The following FAM78A variants were observed in gnomAD, a reference collection of about 807,000 sequenced individuals.
FAM78A encodes the protein protein FAM78A.
In FAM78A, 12 loss-of-function variants were observed where a neutral mutation model predicts 22.6. That is an observed-to-expected ratio of 0.53 (90% CI 0.34 to 0.86). FAM78A has a LOEUF of 0.86. Ranked by LOEUF, FAM78A falls within the 40% of genes least tolerant of loss-of-function variation. The pLI is 0.02. For missense variants in FAM78A, 322 were observed against 396.1 expected (o/e 0.81, Z 1.59); for synonymous variants, 151 against 155.8 (o/e 0.97, Z 0.23).
chr9:131,274,325 T>C lies in FAM78A; in HGVS notation c.323+1532A>G, dbSNP rs1042633871. ...AGCCCAAAACCCCGAGGAAAACTTT[T>C]GTTTCTACAACTGTCCCGATGCCTT... On this transcript the variant is annotated intron_variant, in intron 1 of 1. Coordinates refer to ENST00000372271, the MANE Select transcript of FAM78A (RefSeq NM_033387.4). This position sits in a 1 kb window ranked among gnomAD's most constrained non-coding sequence, Gnocchi z 4.2. Among the ~76,000 whole-genome samples the C allele has an allele frequency of 6.6e-6, 1 of 152,174 alleles. No homozygotes were observed. Among genetic ancestry groups the C allele is most frequent in the Non-Finnish European group, 1.5e-5 (1 of 68,046 alleles).
rs1004160561 is a variant in FAM78A, at chr9:131,276,398, G to A, written c.-219C>T. ...GGACAAAAATCACCGATATTCTTTGGGTTAAAAAAAGTTTGTAGTTTAATG... is the reference window on the plus strand; with the variant it reads ...GGACAAAAATCACCGATATTCTTTGAGTTAAAAAAAGTTTGTAGTTTAATG... On this transcript the variant is annotated 5_prime_UTR_variant, in exon 1 of 2. Coordinates refer to ENST00000372271, the MANE Select transcript of FAM78A (RefSeq NM_033387.4). This position sits in a 1 kb window ranked among gnomAD's most constrained non-coding sequence, Gnocchi z 4.3. The A allele has an allele frequency of 3.1e-5, 15 of 487,152 alleles. No individual in the cohort carries two copies. Among genetic ancestry groups the A allele is most frequent in the Non-Finnish European group, 5.1e-5 (14 of 276,662 alleles). The allele number at this position is 487,152 out of a possible 1,614,324, so 30.2% of individuals were successfully genotyped here. A position where few individuals can be genotyped will look rare whatever the true frequency, so the allele number is the denominator to read the frequency against.
chr9:131,273,116 A>G (rs1016189268), intron 1 of FAM78A, among the ~76,000 whole-genome samples: 1 of 152,126 alleles, frequency 6.6e-6, no homozygotes, highest in African/African-American at 2.4e-5. Flanking sequence ...CCTTAGGATG[A>G]TTCTGTTGAT....
At chr9:131,270,470 A>G (rs750259679) in intron 1 of FAM78A, 138 of 716,900 alleles carry the variant, frequency 1.9e-4, no homozygotes, top group Non-Finnish European at 3.0e-4. Context: ...TTGGTCTCCA[A>G]TGTTTGTTTC....
At position 131,261,092 on chromosome 9, in the gene FAM78A, C is replaced by T. The variant is rs773222368; in HGVS notation, c.582G>A (p.Val194=). Reference sequence around the variant, plus strand: ...TGTCGTTGGTGGAGGTGTTGGTGGCCACCAGCCAGGTGGTGAAGCTCTGGT... The same window carrying T: ...TGTCGTTGGTGGAGGTGTTGGTGGCTACCAGCCAGGTGGTGAAGCTCTGGT... ...YRDQSFTTWL[V]ATNTSTNDMI... The change falls in exon 2 of 2, where the codon GTG becomes GTA. Residue 194 remains valine, a synonymous_variant. Coordinates refer to ENST00000372271, the MANE Select transcript of FAM78A (RefSeq NM_033387.4). This position sits in a 1 kb window ranked among gnomAD's most constrained non-coding sequence, Gnocchi z 7.1. 3 of 1,614,144 alleles carry T rather than the reference C, an allele frequency of 1.9e-6. No individual in the cohort carries two copies. The highest frequency in any genetic ancestry group is 2.2e-5 in the East Asian group (1 of 44,878).
At chr9:131,277,535 G>C (rs1835501225), upstream of FAM78A, among the ~76,000 whole-genome samples, 1 of 151,776 alleles carries the variant, frequency 6.6e-6, no homozygotes. The surrounding 1 kb of genome is among the most constrained non-coding windows in gnomAD (Gnocchi z 8.4). Context: ...CTCGGGCGGC[G>C]CCGCCGACTC....
Position 131,261,837 on chromosome 9 carries a change from C to T in FAM78A, c.324-487G>A, listed in dbSNP as rs757457323. Among the ~76,000 whole-genome samples, 2 of 152,182 alleles carry T rather than the reference C, an allele frequency of 1.3e-5. No individual in the cohort carries two copies. Among genetic ancestry groups the T allele is most frequent in the Non-Finnish European group, 2.9e-5 (2 of 68,026 alleles). ...GGACCCCGGCGCATTTCCACCAAGG[C>T]ACCTGTAACAGGGAAGCTCAGGACA... On this transcript the variant is annotated intron_variant, in intron 1 of 1. Coordinates refer to ENST00000372271, the MANE Select transcript of FAM78A (RefSeq NM_033387.4). The surrounding 1 kb of genome is among the most constrained non-coding windows in gnomAD (Gnocchi z 7.1).
At position 131,259,525 on chromosome 9, in the gene FAM78A, A is replaced by T. The variant is rs1214248200; in HGVS notation, c.*1297T>A. ...GCCGACTGCCTCCCAAGACTTCCCT[A>T]GAGCTTGGGTGCCTTCCACCTCCAT... On this transcript the variant is annotated 3_prime_UTR_variant, in exon 2 of 2. Transcript: ENST00000372271. The T allele has an allele frequency of 6.6e-6, 1 of 152,242 alleles. No homozygotes were observed. The highest frequency in any genetic ancestry group is 1.9e-4 in the East Asian group (1 of 5,176). 9.4% of individuals were successfully genotyped at this position (152,242 alleles called of 1,614,324 possible).
rs185686983 is a variant in FAM78A at position 131,258,144 on chromosome 9, G to C, written c.*2678C>G. ...TTTTTGTTTTTTGTAAAAAAAAAAA[G>C]GTTCATTGTACATCTTCTTCAAGAG... On this transcript the variant is annotated 3_prime_UTR_variant, in exon 2 of 2. Transcript: ENST00000372271. The C allele has an allele frequency of 3.0e-5, 4 of 132,946 alleles. No individual in the cohort carries two copies. Among genetic ancestry groups the C allele is most frequent in the Admixed American group, 7.4e-5 (1 of 13,436 alleles). 8.2% of individuals were successfully genotyped at this position (132,946 alleles called of 1,614,324 possible). A position where few individuals can be genotyped will look rare whatever the true frequency, so the allele number is the denominator to read the frequency against.
intron 1 of FAM78A, among the ~76,000 whole-genome samples, chr9:131,267,238 A>G (rs887753747): frequency 6.6e-6 from 1 of 152,158 alleles, no homozygotes; most frequent in African/African-American, 2.4e-5. Context: ...GAGATGAGCC[A>G]CCGTGCCTGG....
rs1233982590 is a variant in FAM78A, at chr9:131,258,776, G to A, written c.*2046C>T. The A allele has an allele frequency of 1.3e-5, 2 of 152,262 alleles. No individual in the cohort carries two copies. The highest frequency in any genetic ancestry group is 4.8e-5 in the African/African-American group (2 of 41,452). 9.4% of individuals were successfully genotyped at this position (152,262 alleles called of 1,614,324 possible). ...CACCCATCCTCAGACATGCAGCTGG[G>A]ACCCACTGTTCCCCTAAGGCTACTG... On this transcript the variant is annotated 3_prime_UTR_variant, in exon 2 of 2. Transcript: ENST00000372271.
At chr9:131,263,112 AC>A (rs2131156137) in intron 1 of FAM78A, among the ~76,000 whole-genome samples, 2 of 152,040 alleles carry the variant, frequency 1.3e-5, no homozygotes, top group African/African-American at 4.8e-5. Context: ...GGTGGTGGGC[AC>A]CTGTAATCAC....
Position 131,265,347 on chromosome 9 carries a change from C to G in FAM78A, c.324-3997G>C. Reference sequence around the variant, plus strand: ...CTCAGCTCACTGCAACCTCTGCCTCCTGGGTTCAAGCGATTCTCCTGCCTC... The same window carrying G: ...CTCAGCTCACTGCAACCTCTGCCTCGTGGGTTCAAGCGATTCTCCTGCCTC... On this transcript the variant is annotated intron_variant, in intron 1 of 1. Coordinates refer to ENST00000372271, the MANE Select transcript of FAM78A (RefSeq NM_033387.4). The surrounding 1 kb of genome is among the most constrained non-coding windows in gnomAD (Gnocchi z 4.3). Among the ~76,000 whole-genome samples, 1 of 152,198 alleles carries G rather than the reference C, an allele frequency of 6.6e-6. No individual in the cohort carries two copies. The highest frequency in any genetic ancestry group is 2.1e-4 in the South Asian group (1 of 4,830).
chr9:131,264,450 T>C lies in FAM78A; in HGVS notation c.324-3100A>G, dbSNP rs59244770. 5.1e-3 allele frequency: 3,256 copies of C among 633,884 alleles called. 71 individuals are homozygous for C. The highest frequency in any genetic ancestry group is 0.05 in the African/African-American group (2,779 of 55,358). 39.3% of individuals were successfully genotyped at this position (633,884 alleles called of 1,614,324 possible). On this transcript the variant is annotated intron_variant, in intron 1 of 1. Transcript: ENST00000372271. ...GCGGGTGCAGCAGCCCAGGGTCCACTGTCAGCCCCAGCTACTCGCACTGTG... is the reference window on the plus strand; with the variant it reads ...GCGGGTGCAGCAGCCCAGGGTCCACCGTCAGCCCCAGCTACTCGCACTGTG...
intron 1 of FAM78A, among the ~76,000 whole-genome samples, chr9:131,267,573 AAAT>A: frequency 6.6e-6 from 1 of 152,294 alleles, no homozygotes; most frequent in African/African-American, 2.4e-5. Flanking sequence ...AACAACTTTG[AAAT>A]AACAGGTTGG....
At chr9:131,267,128 G>T (rs1023305486) in intron 1 of FAM78A, among the ~76,000 whole-genome samples, 1 of 152,122 alleles carries the variant, frequency 6.6e-6, no homozygotes, top group Non-Finnish European at 1.5e-5. Flanking sequence ...CACACAACTG[G>T]GAAGTAACTG....
upstream of FAM78A, among the ~76,000 whole-genome samples, chr9:131,277,635 C>A (rs1835502193): frequency 6.6e-6 from 1 of 151,744 alleles, no homozygotes; most frequent in African/African-American, 2.4e-5. This position sits in a 1 kb window ranked among gnomAD's most constrained non-coding sequence, Gnocchi z 8.4. Flanking sequence ...GGCGCCCCCA[C>A]CCCCTTCCCC....
chr9:131,270,037 T>TAAA lies in FAM78A; in HGVS notation c.323+5817_323+5819dup, dbSNP rs1008374603. On this transcript the variant is annotated intron_variant, in intron 1 of 1. Transcript: ENST00000372271. ...TGGTGAAACCCCATCCCTACTAAAA[T>TAAA]AAAAAAAAAAAAAAAAAAAAAAGCC... Among the ~76,000 whole-genome samples the TAAA allele has an allele frequency of 1.6e-4, 14 of 85,618 alleles. 1 individual carries two copies. Among genetic ancestry groups the TAAA allele is most frequent in the Middle Eastern group, 6.7e-3 (1 of 150 alleles). 56.2% of individuals were successfully genotyped at this position (85,618 alleles called of 152,430 possible).
chr9:131,265,723 G>T lies in FAM78A; in HGVS notation c.324-4373C>A, dbSNP rs1835335501. On this transcript the variant is annotated intron_variant, in intron 1 of 1. Coordinates refer to ENST00000372271, the MANE Select transcript of FAM78A (RefSeq NM_033387.4). The surrounding 1 kb of genome is among the most constrained non-coding windows in gnomAD (Gnocchi z 4.3). The stretch of plus-strand genomic sequence containing the variant: ...AGATTTTCAATGCTGAGACGGCAGA[G>T]CCTTGAACCACGCTCAGGGCCCTTC... Among the ~76,000 whole-genome samples, 1 of 152,164 alleles carries T rather than the reference G, an allele frequency of 6.6e-6. No homozygotes were observed. Among genetic ancestry groups the T allele is most frequent in the African/African-American group, 2.4e-5 (1 of 41,436 alleles).
chr9:131,258,152 G>T lies in FAM78A; in HGVS notation c.*2670C>A, dbSNP rs352956. ...TTTTGTAAAAAAAAAAAGGTTCATT[G>T]TACATCTTCTTCAAGAGTCTTGTGC... On this transcript the variant is annotated 3_prime_UTR_variant, in exon 2 of 2. Coordinates refer to ENST00000372271, the MANE Select transcript of FAM78A (RefSeq NM_033387.4). 143,932 of 152,406 alleles carry T rather than the reference G, an allele frequency of 0.94. 68,461 individuals are homozygous for T. The highest frequency in any genetic ancestry group is 1 in the East Asian group (5,176 of 5,176). 9.4% of individuals were successfully genotyped at this position (152,406 alleles called of 1,614,324 possible).
Sources: allele counts gnomAD v4.1 joint callset (sites outside exome capture counted in the v4.1 genomes callset), GRCh38; gene constraint gnomAD v4.1.1; non-coding constraint Gnocchi (gnomAD v3.1); transcripts MANE v1.5; gene names NCBI Gene and HGNC (gene_info 2026-07-23, HGNC 2026-07-21).